Variants in MICU1 observed in about 807,000 individuals in gnomAD.
MICU1 encodes calcium uptake protein 1, mitochondrial.
In MICU1, 45 loss-of-function variants were observed where a neutral mutation model predicts 56.8. The ratio of observed to expected loss-of-function variants is 0.79; its 90% CI spans 0.62 to 1.02. The LOEUF (loss-of-function observed/expected upper bound fraction) is 1.02. Among genes scored for constraint, MICU1 ranks in the 50% least tolerant of loss-of-function variants. The pLI is 0.00. For missense variants in MICU1, 504 were observed against 587.1 expected, an observed-to-expected ratio of 0.86 and a Z score of 1.46; for synonymous variants, 186 against 195.1, an observed-to-expected ratio of 0.95 and a Z score of 0.39.
intron 8 of MICU1, among the ~76,000 whole-genome samples, chr10:72,463,251 C>A (rs545543972): frequency 6.6e-6 from 1 of 152,010 alleles, no homozygotes; most frequent in Admixed American, 6.6e-5. Flanking sequence ...TTAGTAGAGA[C>A]GCGGTTTCTC....
At chr10:72,562,817 A>G (rs908137326) in intron 3 of MICU1, 78 bp downstream of exon 3, 4 of 1,211,554 alleles carry the variant, frequency 3.3e-6, no homozygotes, top group Non-Finnish European at 4.4e-6. Context: ...CATCTGAAAC[A>G]TATGATTAAA....
At chr10:72,379,443 T>C (rs1862631010) in intron 10 of MICU1, 1 of 285,612 alleles carries the variant, frequency 3.5e-6, no homozygotes, top group African/African-American at 2.2e-5. Context: ...AACCATTCCT[T>C]TTTCTGCATT....
intron 6 of MICU1, among the ~76,000 whole-genome samples, chr10:72,499,116 C>G (rs893179802): frequency 1.3e-5 from 2 of 152,160 alleles, no homozygotes; most frequent in Admixed American, 1.3e-4. Context: ...AAATCGCCCT[C>G]AAGATACAGT....
chr10:72,557,330 T>C (rs1250414864), intron 3 of MICU1, among the ~76,000 whole-genome samples: 1 of 152,162 alleles, frequency 6.6e-6, no homozygotes, highest in African/African-American at 2.4e-5. Flanking sequence ...TTCATCACCA[T>C]TCCAGCTCTC....
intron 1 of MICU1, among the ~76,000 whole-genome samples, chr10:72,605,750 CT>C (rs1479858311): frequency 1.3e-5 from 2 of 152,194 alleles, no homozygotes; most frequent in Non-Finnish European, 2.9e-5. Context: ...ATCTAAATGA[CT>C]TGAGCATCTG....
chr10:72,480,000 T>C (rs1446810230), intron 6 of MICU1, among the ~76,000 whole-genome samples: 1 of 152,086 alleles, frequency 6.6e-6, no homozygotes, highest in Non-Finnish European at 1.5e-5. Context: ...CCACTGAAGG[T>C]TTTAAGTAGG....
intron 3 of MICU1, among the ~76,000 whole-genome samples, chr10:72,556,356 T>C (rs1050245341): frequency 6.6e-6 from 1 of 152,226 alleles, no homozygotes; most frequent in African/African-American, 2.4e-5. Flanking sequence ...TTTTTTTCTT[T>C]TGAGACAGAG....
chr10:72,558,434 G>A (rs998373230), intron 3 of MICU1, among the ~76,000 whole-genome samples: 1 of 152,174 alleles, frequency 6.6e-6, no homozygotes, highest in Non-Finnish European at 1.5e-5. Flanking sequence ...CATAGTATAT[G>A]GGATATGAAC....
intron 4 of MICU1, among the ~76,000 whole-genome samples, chr10:72,545,340 C>T (rs540184247): frequency 2.0e-5 from 3 of 152,256 alleles, no homozygotes; most frequent in Admixed American, 6.5e-5. Context: ...ACCAGTGACA[C>T]GGCCTCAGGA....
intron 1 of MICU1, among the ~76,000 whole-genome samples, chr10:72,573,328 A>AAAAAAC (rs1840661213): frequency 8.7e-6 from 1 of 114,300 alleles, no homozygotes; most frequent in Non-Finnish European, 1.9e-5. Flanking sequence ...AAAAAAAAAA[A>AAAAAAC]AAAAAAACTA....
chr10:72,518,452 T>C (rs1250015013), intron 5 of MICU1, among the ~76,000 whole-genome samples: 1 of 152,134 alleles, frequency 6.6e-6, no homozygotes, highest in Non-Finnish European at 1.5e-5. Flanking sequence ...TAAATTCAAA[T>C]ATAGTAAACT....
intron 8 of MICU1, among the ~76,000 whole-genome samples, chr10:72,458,492 T>C (rs991615857): frequency 2.0e-5 from 3 of 152,192 alleles, no homozygotes; most frequent in Non-Finnish European, 4.4e-5. Flanking sequence ...TTGCGTATAC[T>C]GGAAATCACT....
intron 1 of MICU1, among the ~76,000 whole-genome samples, chr10:72,615,738 C>T (rs1385045458): frequency 2.6e-5 from 4 of 152,116 alleles, no homozygotes; most frequent in Admixed American, 6.6e-5. Flanking sequence ...CGCCTGTAAT[C>T]CCAGCACTTT....
chr10:72,617,142 T>C (rs146851212), intron 1 of MICU1, among the ~76,000 whole-genome samples: 1 of 152,314 alleles, frequency 6.6e-6, no homozygotes, highest in East Asian at 1.9e-4. Context: ...GAAGACCAGT[T>C]TTTTTTGTCC....
chr10:72,394,627 G>GA (rs777177442), intron 10 of MICU1, among the ~76,000 whole-genome samples: 182 of 126,028 alleles, frequency 1.4e-3, no homozygotes, highest in Middle Eastern at 7.9e-3. Context: ...GTCTCAAAAA[G>GA]AAAAAAAAAA....
intron 5 of MICU1, among the ~76,000 whole-genome samples, chr10:72,532,366 T>C (rs1023850488): frequency 3.3e-5 from 5 of 152,128 alleles, no homozygotes; most frequent in Non-Finnish European, 5.9e-5. Context: ...AAGTTATTAC[T>C]GACTTAATGA....
At chr10:72,398,848 A>G (rs1863354358) in intron 10 of MICU1, among the ~76,000 whole-genome samples, 1 of 152,332 alleles carries the variant, frequency 6.6e-6, no homozygotes, top group African/African-American at 2.4e-5. Flanking sequence ...ATTCACAGCC[A>G]AATTCTACCA....
chr10:72,373,869 T>C (rs2132034111), intron 11 of MICU1, among the ~76,000 whole-genome samples: 1 of 152,360 alleles, frequency 6.6e-6, no homozygotes, highest in Admixed American at 6.5e-5. Context: ...AGCACTGCTG[T>C]GCATTAGAAC....
chr10:72,586,013 CTTTTTTTTT>C (rs71021511), intron 1 of MICU1, among the ~76,000 whole-genome samples: 19 of 74,712 alleles, frequency 2.5e-4, no homozygotes, highest in Non-Finnish European at 4.0e-4. Flanking sequence ...TTTTTTTTTT[CTTTTTTTTT>C]TTTTTTTTTT....
Sources: gnomAD v4.1 joint callset for allele counts (sites outside exome capture counted in the v4.1 genomes callset) on GRCh38, gnomAD v4.1.1 for gene constraint, MANE v1.5 for transcripts, NCBI Gene and HGNC (gene_info 2026-07-23, HGNC 2026-07-21) for gene names.